The following OPCML variants were observed in gnomAD, a reference collection of about 807,000 sequenced individuals.
The protein encoded by OPCML is opioid-binding protein/cell adhesion molecule.
Under a neutral mutation model 37.8 loss-of-function variants are expected in OPCML, and 13 were observed. That is an observed-to-expected ratio of 0.34 (90% confidence interval 0.22 to 0.55). The LOEUF (loss-of-function observed/expected upper bound fraction) is 0.55. Among genes scored for constraint, OPCML ranks in the 20% least tolerant of loss-of-function variants. OPCML has a pLI of 0.91. For missense variants in OPCML, 341 were observed against 435.6 expected (o/e 0.78, Z 1.93); for synonymous variants, 176 against 168.8 (o/e 1.04, Z -0.33).
chr11:132,648,760 T>G (rs1027974960), intron 3 of OPCML, among the ~76,000 whole-genome samples: 1 of 152,180 alleles, frequency 6.6e-6, no homozygotes, highest in Admixed American at 6.5e-5. Flanking sequence ...CTCTGCCTTT[T>G]TCCCAGCCAG....
At chr11:132,946,450 G>A (rs941444799) in intron 1 of OPCML, among the ~76,000 whole-genome samples, 3 of 152,124 alleles carry the variant, frequency 2.0e-5, no homozygotes, top group Non-Finnish European at 4.4e-5. Flanking sequence ...TCATGGGACC[G>A]GCAGCATAGT....
chr11:132,766,084 C>A (rs1348749696), intron 2 of OPCML, among the ~76,000 whole-genome samples: 2 of 138,152 alleles, frequency 1.4e-5, no homozygotes, highest in Non-Finnish European at 3.1e-5. Context: ...ATGTCATGGT[C>A]CCATGCTTAT....
intron 4 of OPCML, among the ~76,000 whole-genome samples, chr11:132,459,734 C>G (rs545634666): frequency 1.0e-5 from 1 of 98,334 alleles, no homozygotes. Context: ...CTTCGTTATA[C>G]GAAAGTTAAA....
intron 1 of OPCML, among the ~76,000 whole-genome samples, chr11:133,041,177 A>G (rs1486735245): frequency 6.6e-6 from 1 of 152,182 alleles, no homozygotes; most frequent in Non-Finnish European, 1.5e-5. Flanking sequence ...TCATGGGAAC[A>G]TGTTTGGTTT....
chr11:133,531,768 AG>A (rs1948609813), intron 1 of OPCML, among the ~76,000 whole-genome samples: 7 of 150,508 alleles, frequency 4.7e-5, no homozygotes, highest in African/African-American at 1.7e-4. Flanking sequence ...AGAGAGAGAG[AG>A]AGAAAAGAAA....
chr11:132,829,611 T>C (rs184253357), intron 2 of OPCML, among the ~76,000 whole-genome samples: 5 of 152,236 alleles, frequency 3.3e-5, no homozygotes, highest in African/African-American at 1.2e-4. Context: ...TGCTTCTAAA[T>C]CTCCTGTCCG....
intron 1 of OPCML, among the ~76,000 whole-genome samples, chr11:133,458,819 G>GCACGTGTGTGTGTATATACACATAGATA (rs1946785771): frequency 8.0e-6 from 1 of 124,698 alleles, no homozygotes; most frequent in East Asian, 2.5e-4. Context: ...ACACATAGAT[G>GCACGTGTGTGTGTATATACACATAGATA]CACGTGTGTG....
chr11:132,507,497 A>G (rs1006083963), intron 4 of OPCML, among the ~76,000 whole-genome samples: 3 of 152,088 alleles, frequency 2.0e-5, no homozygotes, highest in Non-Finnish European at 1.5e-5. Flanking sequence ...ATTAACATAA[A>G]TATCTATAAA....
intron 4 of OPCML, among the ~76,000 whole-genome samples, chr11:132,526,384 G>A (rs929885960): frequency 2.0e-5 from 3 of 151,894 alleles, no homozygotes; most frequent in Admixed American, 1.3e-4. Context: ...CATGTCTTGG[G>A]GAACATTATT....
At chr11:133,148,631 G>A (rs569299578) in intron 1 of OPCML, among the ~76,000 whole-genome samples, 4 of 152,336 alleles carry the variant, frequency 2.6e-5, no homozygotes, top group African/African-American at 7.2e-5. Flanking sequence ...TGCAGGGGGC[G>A]AAGAACTGAA....
chr11:132,805,919 G>C (rs1392152131), intron 2 of OPCML, among the ~76,000 whole-genome samples: 3 of 151,960 alleles, frequency 2.0e-5, no homozygotes, highest in African/African-American at 4.8e-5. Context: ...AATAATAACA[G>C]TATAAGATGG....
At chr11:133,494,564 C>T (rs1489113483) in intron 1 of OPCML, among the ~76,000 whole-genome samples, 2 of 145,876 alleles carry the variant, frequency 1.4e-5, no homozygotes, top group African/African-American at 2.7e-5. Flanking sequence ...AGTTCATGTC[C>T]TTTGTAGGGA....
chr11:133,004,992 C>A (rs552616529), intron 1 of OPCML: 2 of 985,430 alleles, frequency 2.0e-6, no homozygotes, highest in Non-Finnish European at 2.4e-6. Context: ...GACTGCTGCA[C>A]TCTTACTCCT....
rs200685608 is a variant in OPCML at position 133,140,877 on chromosome 11, AGAC to A, written c.62-197870_62-197868del. Among the ~76,000 whole-genome samples the A allele has an allele frequency of 2.4e-4, 4 of 16,866 alleles. 1 individual carries two copies. Among genetic ancestry groups the A allele is most frequent in the Non-Finnish European group, 4.9e-4 (2 of 4,048 alleles). 11.1% of individuals were successfully genotyped at this position (16,866 alleles called of 152,430 possible). A position where few individuals can be genotyped will look rare whatever the true frequency, so the allele number is the denominator to read the frequency against. ...ACGAAGAAGACGACGACGACGAAGAAGACGACGACGACGACGAAGACGACGACG... is the reference window on the plus strand; with the variant it reads ...ACGAAGAAGACGACGACGACGAAGAAGACGACGACGACGAAGACGACGACG... On this transcript the variant is annotated intron_variant, in intron 1 of 7. Transcript: ENST00000524381.
chr11:132,486,875 G>T (rs1002623544), intron 4 of OPCML, among the ~76,000 whole-genome samples: 1 of 152,128 alleles, frequency 6.6e-6, no homozygotes, highest in Non-Finnish European at 1.5e-5. Context: ...TAAAATTTGG[G>T]TGGTAACTCA....
chr11:132,801,937 A>G (rs1380991191), intron 2 of OPCML, among the ~76,000 whole-genome samples: 1 of 152,170 alleles, frequency 6.6e-6, no homozygotes, highest in Non-Finnish European at 1.5e-5. Context: ...GGCATTTCAA[A>G]ACTAATATTT....
chr11:133,480,460 A>T (rs1165590326), intron 1 of OPCML, among the ~76,000 whole-genome samples: 1 of 152,168 alleles, frequency 6.6e-6, no homozygotes, highest in African/African-American at 2.4e-5. Context: ...ACCAGTGTCC[A>T]GGGCCTTCTG....
At chr11:133,490,818 C>A (rs61912409) in intron 1 of OPCML, among the ~76,000 whole-genome samples, 1 of 152,146 alleles carries the variant, frequency 6.6e-6, no homozygotes, top group Non-Finnish European at 1.5e-5. Flanking sequence ...GCTATCTCAT[C>A]CCCTTTACAT....
intron 1 of OPCML, among the ~76,000 whole-genome samples, chr11:133,135,863 A>T (rs146787796): frequency 1.5e-4 from 23 of 152,368 alleles, no homozygotes; most frequent in African/African-American, 5.3e-4. Flanking sequence ...ATGAAGGATA[A>T]GTTATCTTGG....
Sources: allele counts gnomAD v4.1 joint callset (sites outside exome capture counted in the v4.1 genomes callset), GRCh38; gene constraint gnomAD v4.1.1; transcripts MANE v1.5; gene names NCBI Gene and HGNC (gene_info 2026-07-23, HGNC 2026-07-21).